Variants in ATP10A observed in about 807,000 individuals in gnomAD.
ATP10A encodes phospholipid-transporting ATPase VA.
Under a neutral mutation model 147.8 loss-of-function variants are expected in ATP10A, and 111 were observed. The ratio of observed to expected loss-of-function variants is 0.75; its 90% CI spans 0.64 to 0.88. The LOEUF is 0.88. Ranked by LOEUF, ATP10A falls within the 40% of genes least tolerant of loss-of-function variation. ATP10A has a pLI of 0.00. For synonymous variants in ATP10A, 875 were observed against 841.6 expected, an observed-to-expected ratio of 1.04 and a Z score of -0.69; for missense variants, 1,927 against 1,959.0, an observed-to-expected ratio of 0.98 and a Z score of 0.31.
At chr15:25,704,429 T>C (rs1037403397) in intron 12 of ATP10A, among the ~76,000 whole-genome samples, 11 of 152,198 alleles carry the variant, frequency 7.2e-5, no homozygotes, top group Non-Finnish European at 1.3e-4. Flanking sequence ...TCCGAGCTGC[T>C]GAGCTAAAGT....
chr15:25,677,750 A>T (rs1899168684), downstream of ATP10A: 1 of 152,220 alleles, frequency 6.6e-6, no homozygotes, highest in Admixed American at 6.5e-5. Flanking sequence ...CAGGGCATAG[A>T]GATTCTTCTG....
chr15:25,789,853 G>C (rs1044723851), intron 1 of ATP10A, among the ~76,000 whole-genome samples: 1 of 152,006 alleles, frequency 6.6e-6, no homozygotes, highest in Admixed American at 6.6e-5. Flanking sequence ...ATGCCAGTAG[G>C]GCTCCCTCCC....
intron 2 of ATP10A, among the ~76,000 whole-genome samples, chr15:25,771,907 C>G (rs1182882448): frequency 6.6e-6 from 1 of 152,042 alleles, no homozygotes; most frequent in African/African-American, 2.4e-5. Flanking sequence ...CGCCCACCAC[C>G]ACGCCTGGAT....
chr15:25,771,639 C>T (rs148090810), intron 2 of ATP10A, among the ~76,000 whole-genome samples: 1 of 152,200 alleles, frequency 6.6e-6, no homozygotes, highest in East Asian at 1.9e-4. Flanking sequence ...TACTGGACAC[C>T]AACTGAAGTC....
chr15:25,850,355 T>C (rs911886781), intron 1 of ATP10A, among the ~76,000 whole-genome samples: 1 of 152,078 alleles, frequency 6.6e-6, no homozygotes, highest in Non-Finnish European at 1.5e-5. Context: ...GGTGCAGCAC[T>C]GGAGATGACC....
chr15:25,831,674 T>C (rs1892363243), intron 1 of ATP10A, among the ~76,000 whole-genome samples: 2 of 152,162 alleles, frequency 1.3e-5, no homozygotes, highest in South Asian at 2.1e-4. Flanking sequence ...CCTGCACCTA[T>C]AGAGGCTCCT....
At chr15:25,815,406 C>T (rs972201963) in intron 1 of ATP10A, among the ~76,000 whole-genome samples, 1 of 132,534 alleles carries the variant, frequency 7.5e-6, no homozygotes, top group African/African-American at 3.4e-5. Flanking sequence ...AAAGGATGAA[C>T]GGTAGCTCCC....
intron 12 of ATP10A, among the ~76,000 whole-genome samples, chr15:25,703,095 C>T (rs1372400807): frequency 1.3e-5 from 2 of 152,196 alleles, no homozygotes; most frequent in Non-Finnish European, 2.9e-5. Flanking sequence ...CGGTGGCTCA[C>T]GCCTGTAATC....
intron 1 of ATP10A, among the ~76,000 whole-genome samples, chr15:25,859,353 C>T (rs1567437822): frequency 6.6e-6 from 1 of 152,196 alleles, no homozygotes; most frequent in Non-Finnish European, 1.5e-5. Context: ...ACATCCCCCT[C>T]GACTCTCACC....
intron 1 of ATP10A, among the ~76,000 whole-genome samples, chr15:25,829,520 C>T (rs1162706782): frequency 6.6e-6 from 1 of 152,196 alleles, no homozygotes; most frequent in Non-Finnish European, 1.5e-5. Flanking sequence ...AAAGCTCTTG[C>T]TCCCAAGAGT....
chr15:25,852,834 G>A lies in ATP10A; in HGVS notation c.449+9814C>T, dbSNP rs117572110. The stretch of plus-strand genomic sequence containing the variant: ...CCATCTCCCTTTCCCTTGAGAAGGA[G>A]GGTATATAACCCTGCGTACTCCACT... On this transcript the variant is annotated intron_variant, in intron 1 of 20. Coordinates refer to ENST00000555815, the MANE Select transcript of ATP10A (RefSeq NM_024490.4). Among the ~76,000 whole-genome samples the A allele has an allele frequency of 9.1e-4, 139 of 152,278 alleles. No homozygotes were observed. The Middle Eastern group carries it at 0.017, about 19-fold the overall frequency.
intron 1 of ATP10A, among the ~76,000 whole-genome samples, chr15:25,855,514 A>G (rs976713500): frequency 9.3e-5 from 14 of 150,344 alleles, no homozygotes. Flanking sequence ...ATAAAACCCC[A>G]CAGCTTGAAA....
chr15:25,744,358 G>A (rs757518867), intron 2 of ATP10A, among the ~76,000 whole-genome samples: 1 of 152,148 alleles, frequency 6.6e-6, no homozygotes, highest in Non-Finnish European at 1.5e-5. Context: ...GTATGTGTGT[G>A]TGCATGTATG....
chr15:25,774,072 A>G (rs901265113), intron 2 of ATP10A, among the ~76,000 whole-genome samples: 2 of 152,216 alleles, frequency 1.3e-5, no homozygotes, highest in Admixed American at 1.3e-4. Context: ...ATATAGTTAA[A>G]GAGAAAAAAA....
intron 2 of ATP10A, among the ~76,000 whole-genome samples, chr15:25,761,322 A>T (rs1237585159): frequency 6.6e-6 from 1 of 152,216 alleles, no homozygotes; most frequent in Non-Finnish European, 1.5e-5. Flanking sequence ...ATAAAGACAT[A>T]CCCGAGACTG....
intron 1 of ATP10A, among the ~76,000 whole-genome samples, chr15:25,798,706 C>T (rs776242764): frequency 3.9e-5 from 6 of 152,202 alleles, no homozygotes; most frequent in Non-Finnish European, 7.3e-5. Flanking sequence ...GCGCCCAGGT[C>T]TCCACGGCTG....
Position 25,679,839 on chromosome 15 carries a change from C to T in ATP10A, c.4002G>A (p.Ser1334=), listed in dbSNP as rs766617998. ...TFAQGRLPKD[S]GTEHSSGRTV... Reference sequence around the variant, plus strand: ...TCCTCCCTGATGAGTGCTCGGTTCCCGAGTCCTTCGGGAGGCGTCCCTGAG... The same window carrying T: ...TCCTCCCTGATGAGTGCTCGGTTCCTGAGTCCTTCGGGAGGCGTCCCTGAG... The change falls in exon 21 of 21, where the codon TCG becomes TCA. Residue 1334 remains serine (S), a synonymous_variant. Transcript: ENST00000555815. 32 of 1,611,164 alleles carry T rather than the reference C, an allele frequency of 2.0e-5. No homozygotes were observed. The East Asian group carries it at 3.1e-4, about 16-fold the overall frequency.
At chr15:25,759,506 C>T (rs1454095674) in intron 2 of ATP10A, among the ~76,000 whole-genome samples, 1 of 151,990 alleles carries the variant, frequency 6.6e-6, no homozygotes, top group Non-Finnish European at 1.5e-5. Context: ...ATTGCTCTGC[C>T]CTTAATAGAA....
At chr15:25,860,458 A>C (rs1893711044) in intron 1 of ATP10A, among the ~76,000 whole-genome samples, 1 of 152,258 alleles carries the variant, frequency 6.6e-6, no homozygotes, top group Non-Finnish European at 1.5e-5. Flanking sequence ...TTCTATTCCC[A>C]GGGCCTGGCA....
Sources: allele counts gnomAD v4.1 joint callset (sites outside exome capture counted in the v4.1 genomes callset), GRCh38; gene constraint gnomAD v4.1.1; transcripts MANE v1.5; gene names NCBI Gene and HGNC (gene_info 2026-07-23, HGNC 2026-07-21).